Variants in DSCAM observed in about 807,000 individuals in gnomAD.
DSCAM encodes the protein cell adhesion molecule DSCAM.
A neutral mutation model predicts 217.7 loss-of-function variants in DSCAM; 47 were observed. The observed-to-expected ratio is 0.22, with a 90% CI of 0.17 to 0.28. The LOEUF is 0.28. Ranked by LOEUF, DSCAM falls within the 10% of genes least tolerant of loss-of-function variation. The pLI is 1.00. For missense variants in DSCAM, 2,080 were observed against 2,618.3 expected (o/e 0.79, Z 4.49); for synonymous variants, 1,056 against 1,015.3 (o/e 1.04, Z -0.76).
At position 40,188,914 on chromosome 21, in the gene DSCAM, A is replaced by G. The variant is rs1166245302; in HGVS notation, c.2553+128T>C. 6 of 920,102 alleles carry G rather than the reference A, an allele frequency of 6.5e-6. No homozygotes were observed. In the East Asian group the frequency reaches 1.5e-4, roughly 23 times the overall value. The allele number at this position is 920,102 out of a possible 1,614,324, so 57.0% of individuals were successfully genotyped here. On this transcript the variant is annotated intron_variant, in intron 12 of 32. Coordinates refer to ENST00000400454, the MANE Select transcript of DSCAM (RefSeq NM_001389.5). Reference sequence around the variant, plus strand: ...CTAATCTCGCTGTGTGAAAGGGGAGAGAAATAGTGCTTCGTAAATAAATTC... The same window carrying G: ...CTAATCTCGCTGTGTGAAAGGGGAGGGAAATAGTGCTTCGTAAATAAATTC...
intron 3 of DSCAM, among the ~76,000 whole-genome samples, chr21:40,516,272 T>C (rs1016784797): frequency 3.9e-5 from 6 of 152,160 alleles, no homozygotes; most frequent in African/African-American, 1.4e-4. Flanking sequence ...GTAATTATAA[T>C]ACTTCTGCTG....
At chr21:40,433,832 A>G (rs1429767903) in intron 3 of DSCAM, among the ~76,000 whole-genome samples, 3 of 152,158 alleles carry the variant, frequency 2.0e-5, no homozygotes, top group Non-Finnish European at 4.4e-5. Flanking sequence ...ACATCATCTG[A>G]GGTAGAAGAT....
chr21:40,731,812 T>C (rs1451018435), intron 1 of DSCAM, among the ~76,000 whole-genome samples: 2 of 129,592 alleles, frequency 1.5e-5, no homozygotes, highest in African/African-American at 5.9e-5. Context: ...CACTGCAACC[T>C]CTGCCTCCCG....
intron 20 of DSCAM, among the ~76,000 whole-genome samples, chr21:40,117,470 G>A (rs1042523996): frequency 3.3e-5 from 5 of 152,282 alleles, no homozygotes; most frequent in Non-Finnish European, 5.9e-5. Context: ...GCTAACCTGC[G>A]TGACCCTGGC....
intron 3 of DSCAM, among the ~76,000 whole-genome samples, chr21:40,419,386 G>A (rs2075402048): frequency 1.3e-5 from 2 of 152,118 alleles, no homozygotes; most frequent in African/African-American, 4.8e-5. Flanking sequence ...AAATAATTCT[G>A]AAACATATAT....
Position 40,353,622 on chromosome 21 carries a change from C to T in DSCAM, c.777G>A (p.Leu259=), listed in dbSNP as rs1159045160. The change falls in exon 5 of 33, where the codon CTG becomes CTA. Residue 259 remains leucine, a synonymous_variant. Coordinates refer to ENST00000400454, the MANE Select transcript of DSCAM (RefSeq NM_001389.5). Reference sequence around the variant, plus strand: ...AAAGTTCCAGGGGCATGTTGTCCTTCAGCCAGCGGTAATCTGGCTCAGGGT... The same window carrying T: ...AAAGTTCCAGGGGCATGTTGTCCTTTAGCCAGCGGTAATCTGGCTCAGGGT... The part of the protein sequence containing the change: ...LGHPEPDYRW[L]KDNMPLELSG... The T allele has an allele frequency of 6.2e-7, 1 of 1,611,996 alleles. No homozygotes were observed. The highest frequency in any genetic ancestry group is 2.2e-5 in the East Asian group (1 of 44,878).
At chr21:40,248,357 A>G (rs1241488454) in intron 11 of DSCAM, among the ~76,000 whole-genome samples, 1 of 152,186 alleles carries the variant, frequency 6.6e-6, no homozygotes, top group African/African-American at 2.4e-5. Context: ...TATAAAATGA[A>G]ATGCCTTTAA....
At chr21:40,508,803 T>A (rs1381182019) in intron 3 of DSCAM, among the ~76,000 whole-genome samples, 2 of 113,456 alleles carry the variant, frequency 1.8e-5, no homozygotes, top group East Asian at 2.5e-4. Context: ...TTTTTTTTTT[T>A]TTTTTTTACT....
At chr21:40,640,497 T>A (rs1323526521) in intron 3 of DSCAM, among the ~76,000 whole-genome samples, 2 of 152,180 alleles carry the variant, frequency 1.3e-5, no homozygotes, top group African/African-American at 4.8e-5. Context: ...TGCAACTGCA[T>A]TATGAAATTT....
intron 15 of DSCAM, among the ~76,000 whole-genome samples, chr21:40,169,118 T>C (rs2146777779): frequency 6.6e-6 from 1 of 152,152 alleles, no homozygotes; most frequent in South Asian, 2.1e-4. Flanking sequence ...GGGCAGAAGA[T>C]ACAGGCTATG....
At chr21:40,544,974 A>G (rs1280307752) in intron 3 of DSCAM, among the ~76,000 whole-genome samples, 1 of 151,814 alleles carries the variant, frequency 6.6e-6, no homozygotes, top group East Asian at 1.9e-4. Flanking sequence ...CCTATTGTTT[A>G]TGTTTCTCCA....
intron 8 of DSCAM, among the ~76,000 whole-genome samples, chr21:40,337,393 T>C (rs2123583436): frequency 6.6e-6 from 1 of 152,334 alleles, no homozygotes; most frequent in Non-Finnish European, 1.5e-5. Context: ...TATTTCATAT[T>C]CAGCTCAGGA....
intron 3 of DSCAM, among the ~76,000 whole-genome samples, chr21:40,516,972 ATATAT>A (rs929952616): frequency 2.7e-5 from 4 of 147,778 alleles, no homozygotes; most frequent in African/African-American, 7.4e-5. Flanking sequence ...GTAAATATAC[ATATAT>A]TATATATATA....
At chr21:40,094,021 ATG>A in intron 20 of DSCAM, 147 bp from the exon 21 acceptor site, 1 of 834,166 alleles carries the variant, frequency 1.2e-6, no homozygotes, top group East Asian at 2.7e-5. Flanking sequence ...GCAATATAAA[ATG>A]TAACTGGTAA....
chr21:40,840,397 C>T (rs75248564), intron 1 of DSCAM, among the ~76,000 whole-genome samples: 15,533 of 152,076 alleles, frequency 0.1, 983 homozygotes, highest in Admixed American at 0.16. Context: ...GGCGGGGAAC[C>T]TAAATGTCGG....
At chr21:40,625,398 G>A (rs1038099272) in intron 3 of DSCAM, among the ~76,000 whole-genome samples, 9 of 152,070 alleles carry the variant, frequency 5.9e-5, no homozygotes, top group East Asian at 3.8e-4. Context: ...TGGAAGAGTC[G>A]CTCAACAAAG....
chr21:40,386,062 T>C (rs923790083), intron 3 of DSCAM, among the ~76,000 whole-genome samples: 1 of 152,208 alleles, frequency 6.6e-6, no homozygotes, highest in Non-Finnish European at 1.5e-5. Flanking sequence ...AAGATTAGTG[T>C]ACATTTGTGT....
chr21:40,185,036 G>C (rs2090878300), intron 14 of DSCAM, among the ~76,000 whole-genome samples: 2 of 152,180 alleles, frequency 1.3e-5, no homozygotes, highest in South Asian at 2.1e-4. Context: ...CTGGGTGTTG[G>C]AGAAATGAGC....
chr21:40,232,975 T>C (rs2837523), intron 11 of DSCAM, among the ~76,000 whole-genome samples: 75,692 of 151,930 alleles, frequency 0.5, 19,813 homozygotes, highest in African/African-American at 0.68. Flanking sequence ...GTTTAATATA[T>C]AAAGAAGAAA....
Sources: gnomAD v4.1 joint callset for allele counts (sites outside exome capture counted in the v4.1 genomes callset) on GRCh38, gnomAD v4.1.1 for gene constraint, MANE v1.5 for transcripts, NCBI Gene and HGNC (gene_info 2026-07-23, HGNC 2026-07-21) for gene names.